CEACAM5: variants seen among roughly 807,000 people sequenced by gnomAD.
CEACAM5 encodes the protein cell adhesion molecule CEACAM5.
Under a neutral mutation model 63.0 loss-of-function variants are expected in CEACAM5, and 52 were observed. The ratio of observed to expected loss-of-function variants is 0.83; its 90% CI spans 0.66 to 1.04. The LOEUF is 1.04. CEACAM5 is among the 50% of genes least tolerant of loss of function. The pLI, the probability that CEACAM5 is intolerant of heterozygous loss-of-function variation, is 0.00. For synonymous variants in CEACAM5, 357 were observed against 351.3 expected, an observed-to-expected ratio of 1.02 and a Z score of -0.18; for missense variants, 790 against 864.8, an observed-to-expected ratio of 0.91 and a Z score of 1.08.
At chr19:41,719,694 C>T (rs139269790) in intron 6 of CEACAM5, among the ~76,000 whole-genome samples, 4 of 152,318 alleles carry the variant, frequency 2.6e-5, no homozygotes, top group East Asian at 1.9e-4. Context: ...CACAACCCAA[C>T]GCTGCTGCCC....
intron 2 of CEACAM5, among the ~76,000 whole-genome samples, chr19:41,711,273 A>T (rs936544377): frequency 8.5e-5 from 13 of 152,150 alleles, no homozygotes; most frequent in African/African-American, 3.1e-4. Flanking sequence ...GCCCCCTCAC[A>T]TGACCTCAAA....
chr19:41,725,653 G>A (rs2072690779), intron 8 of CEACAM5, among the ~76,000 whole-genome samples: 1 of 152,088 alleles, frequency 6.6e-6, no homozygotes, highest in Admixed American at 6.6e-5. Flanking sequence ...GATTAAATGT[G>A]TGAGCCGCTA....
In CEACAM5 at chr19:41,720,211, G is replaced by A; in HGVS notation, c.1771+3G>A. On this transcript the variant is annotated splice_donor_region_variant and intron_variant, in intron 7 of 9. Coordinates refer to ENST00000221992, the MANE Select transcript of CEACAM5 (RefSeq NM_004363.6). ...CCCAGTCACCCTGGATGTCCTCTGT[G>A]AGTATCTTCTGTTCCTCTGTGGCCC... is the stretch of plus-strand genomic sequence containing the variant. 6.2e-7 allele frequency: 1 copy of A among 1,612,766 alleles called. No individual in the cohort carries two copies. Among genetic ancestry groups the A allele is most frequent in the Non-Finnish European group, 8.5e-7 (1 of 1,178,884 alleles).
At position 41,729,394 on chromosome 19, in the gene CEACAM5, A is replaced by G. The variant is rs1474169192; in HGVS notation, c.*247A>G. 1 of 152,234 alleles carries G rather than the reference A, an allele frequency of 6.6e-6. No homozygotes were observed. The highest frequency in any genetic ancestry group is 2.4e-5 in the African/African-American group (1 of 41,406). 9.4% of individuals were successfully genotyped at this position (152,234 alleles called of 1,614,324 possible). A position where few individuals can be genotyped will look rare whatever the true frequency, so the allele number is the denominator to read the frequency against. ...CAGTTACTCGGGAGGCTGAGGCAGG[A>G]GAATCGCTTGAACCCGGGAGGTGGA... On this transcript the variant is annotated 3_prime_UTR_variant, in exon 10 of 10. Transcript: ENST00000221992.
chr19:41,723,503 T>C (rs1465865253), intron 8 of CEACAM5, among the ~76,000 whole-genome samples: 1 of 152,200 alleles, frequency 6.6e-6, no homozygotes, highest in African/African-American at 2.4e-5. Context: ...CATTTATTAA[T>C]TGGGATTTTG....
rs55647539 is a variant in CEACAM5, at chr19:41,728,786, C to CAAAA, written c.*37-382_*37-379dup. On this transcript the variant is annotated intron_variant, in intron 9 of 9. Transcript: ENST00000221992. ...TGGGCGACAGAGCAAGACTCCGTCT[C>CAAAA]AAAAAAAAAAAAAAAAAAAGAATTG... 6.6e-3 allele frequency among the ~76,000 whole-genome samples: 487 copies of CAAAA among 73,260 alleles called. 15 individuals are homozygous for CAAAA. Among genetic ancestry groups the CAAAA allele is most frequent in the Middle Eastern group, 0.028 (3 of 108 alleles). 48.1% of individuals were successfully genotyped at this position (73,260 alleles called of 152,430 possible). A position where few individuals can be genotyped will look rare whatever the true frequency, so the allele number is the denominator to read the frequency against.
chr19:41,717,913 G>T (rs530718449), intron 5 of CEACAM5, among the ~76,000 whole-genome samples, 180 bp downstream of exon 5: 2 of 152,120 alleles, frequency 1.3e-5, no homozygotes, highest in Non-Finnish European at 2.9e-5. Context: ...AGGAGGGGAG[G>T]GTCTGCTCCT....
chr19:41,709,432 G>A (rs781785781), intron 1 of CEACAM5, among the ~76,000 whole-genome samples: 6 of 152,128 alleles, frequency 3.9e-5, no homozygotes, highest in Non-Finnish European at 8.8e-5. Flanking sequence ...AGGCAATGGG[G>A]AGGGAGCCGT....
intron 9 of CEACAM5, among the ~76,000 whole-genome samples, chr19:41,728,471 A>G (rs2072728764): frequency 6.6e-6 from 1 of 152,188 alleles, no homozygotes; most frequent in Non-Finnish European, 1.5e-5. Flanking sequence ...TAAACCCATG[A>G]CTTTCAGCTA....
chr19:41,715,653 G>GCCCGGATGC lies in CEACAM5; in HGVS notation c.711_719dup (p.Asp238_Pro240dup). 1 of 1,614,094 alleles carries GCCCGGATGC rather than the reference G, an allele frequency of 6.2e-7. No individual in the cohort carries two copies. The highest frequency in any genetic ancestry group is 8.5e-7 in the Non-Finnish European group (1 of 1,180,018). ...GGCTTTATTTTGTTTGCTCCAGATGGCCCGGATGCCCCCACCATTTCCCCT... is the reference window on the plus strand; with the variant it reads ...GGCTTTATTTTGTTTGCTCCAGATGGCCCGGATGCCCCGGATGCCCCCACCATTTCCCCT... On this transcript the variant is annotated inframe_insertion, in exon 4 of 10. Transcript: ENST00000221992.
chr19:41,728,523 G>C (rs1218176636), intron 9 of CEACAM5, among the ~76,000 whole-genome samples: 3 of 152,238 alleles, frequency 2.0e-5, no homozygotes, highest in East Asian at 1.9e-4. Flanking sequence ...GGCTGGGCAC[G>C]GTGGCTCACG....
At chr19:41,717,826 C>G in intron 5 of CEACAM5, 93 bp downstream of exon 5, 1 of 1,485,998 alleles carries the variant, frequency 6.7e-7, no homozygotes, top group Non-Finnish European at 9.2e-7. Context: ...GGCCCAAGGA[C>G]AGAGACTTTT....
rs1192896058 is a variant in CEACAM5 at position 41,720,955 on chromosome 19, A to C, written c.1805A>C (p.Asp602Ala). 3 of 1,611,256 alleles carry C rather than the reference A, an allele frequency of 1.9e-6. No individual in the cohort carries two copies. The highest frequency in any genetic ancestry group is 2.2e-5 in the East Asian group (1 of 44,778). The part of the protein sequence containing the change: ...GPDTPIISPP[D>A]SSYLSGANLN... ...GACACCCCCATCATTTCCCCCCCAGACTCGTCTTACCTTTCGGGAGCGAAC... is the reference window on the plus strand; with the variant it reads ...GACACCCCCATCATTTCCCCCCCAGCCTCGTCTTACCTTTCGGGAGCGAAC... The change falls in exon 8 of 10, where the codon GAC becomes GCC. Residue 602 changes from aspartate to alanine, a missense_variant. Transcript: ENST00000221992.
At chr19:41,716,021 T>A (rs1555815018) in intron 4 of CEACAM5, 117 bp downstream of exon 4, 1 of 1,128,106 alleles carries the variant, frequency 8.9e-7, no homozygotes, top group Non-Finnish European at 1.3e-6. Flanking sequence ...CACAAGCAAA[T>A]CCCAGATTCT....
At chr19:41,718,032 A>G (rs2072555627) in intron 5 of CEACAM5, 96 bp from the exon 6 acceptor site, 6 of 1,460,766 alleles carry the variant, frequency 4.1e-6, no homozygotes, top group Non-Finnish European at 4.7e-6. Flanking sequence ...CAGGATTGTG[A>G]CTTGGCTCAG....
intron 3 of CEACAM5, 131 bp from the exon 4 acceptor site, chr19:41,715,519 A>G (rs1450215103): frequency 7.8e-6 from 10 of 1,281,404 alleles, no homozygotes; most frequent in Non-Finnish European, 1.1e-5. Flanking sequence ...GGCTCAGTAG[A>G]TACAAGAGGG....
chr19:41,720,363 C>T (rs1311177123), intron 7 of CEACAM5, among the ~76,000 whole-genome samples, 155 bp downstream of exon 7: 2 of 152,216 alleles, frequency 1.3e-5, no homozygotes, highest in Non-Finnish European at 2.9e-5. Context: ...AAAATTTGGG[C>T]AACCTCAGCC....
In CEACAM5 at chr19:41,720,886, A is replaced by T. The variant is rs902509770; in HGVS notation, c.1772-36A>T. ...AATCAGGAGCTTCCCCTTTCCTCTG[A>T]TGACATCACCTGTGGCTTTGTTCTC... On this transcript the variant is annotated intron_variant, in intron 7 of 9. Transcript: ENST00000221992. The T allele has an allele frequency of 3.1e-6, 5 of 1,610,600 alleles. No individual in the cohort carries two copies. The South Asian group carries it at 4.4e-5, about 14-fold the overall frequency.
chr19:41,722,200 T>C (rs892737467), intron 8 of CEACAM5, among the ~76,000 whole-genome samples: 1 of 149,340 alleles, frequency 6.7e-6, no homozygotes, highest in African/African-American at 2.5e-5. Flanking sequence ...GAGTTCAAGA[T>C]ACAGAAAAAA....
Sources: allele counts gnomAD v4.1 joint callset (sites outside exome capture counted in the v4.1 genomes callset), GRCh38; gene constraint gnomAD v4.1.1; transcripts MANE v1.5; gene names NCBI Gene and HGNC (gene_info 2026-07-23, HGNC 2026-07-21).